The following AMN1 variants were observed in gnomAD, a reference collection of about 807,000 sequenced individuals.
AMN1 encodes the protein antagonist of mitotic exit network 1 homolog.
In AMN1, 20 loss-of-function variants were observed where a neutral mutation model predicts 33.0. The observed-to-expected ratio is 0.61, with a 90% confidence interval of 0.43 to 0.88. The LOEUF (loss-of-function observed/expected upper bound fraction) is 0.88, where lower values mean the gene tolerates loss of function less well. Ranked by LOEUF, AMN1 falls within the 40% of genes least tolerant of loss-of-function variation. The probability of loss-of-function intolerance (pLI) is 0.00; values close to 1 mark genes in which losing one functional copy is unlikely to be tolerated. For missense variants in AMN1, 246 were observed against 307.4 expected, an observed-to-expected ratio of 0.80 and a Z score of 1.49; for synonymous variants, 114 against 111.9, an observed-to-expected ratio of 1.02 and a Z score of -0.12.
At chr12:31,701,735 C>G in intron 3 of AMN1, 128 bp downstream of exon 3, 1 of 805,804 alleles carries the variant, frequency 1.2e-6, no homozygotes, top group Admixed American at 3.9e-5. Context: ...AATGTTTTTA[C>G]TGATAAATAT....
intron 3 of AMN1, 146 bp downstream of exon 3, chr12:31,701,717 T>C: frequency 2.8e-6 from 2 of 712,998 alleles, no homozygotes; most frequent in Non-Finnish European, 4.2e-6. Context: ...GATTATTTTC[T>C]TAGTCTGAAT....
Position 31,671,990 on chromosome 12 carries a change from G to A in AMN1, c.*314C>T, listed in dbSNP as rs961729116. On this transcript the variant is annotated 3_prime_UTR_variant, in exon 7 of 7. Transcript: ENST00000281471. ...TACATAGGAGAAGGAAATCTCAAGG[G>A]AAAACAGTTAATTTTAAAGTTATTT... 9.5e-5 allele frequency: 20 copies of A among 211,412 alleles called. No individual in the cohort carries two copies. The highest frequency in any genetic ancestry group is 1.8e-4 in the Non-Finnish European group (19 of 106,180). The allele number at this position is 211,412 out of a possible 1,614,324, so 13.1% of individuals were successfully genotyped here.
chr12:31,712,782 A>T (rs903258796), intron 1 of AMN1, among the ~76,000 whole-genome samples: 2 of 151,948 alleles, frequency 1.3e-5, no homozygotes, highest in African/African-American at 4.8e-5. Flanking sequence ...CAGCCTCCCA[A>T]GTAGCTGGGA....
chr12:31,689,219 T>G, intron 5 of AMN1, 101 bp from the exon 6 acceptor site: 1 of 787,072 alleles, frequency 1.3e-6, no homozygotes, highest in South Asian at 1.8e-5. Context: ...GAACCAGATA[T>G]CTACTTGCAA....
chr12:31,707,218 G>A (rs771014737), intron 2 of AMN1, among the ~76,000 whole-genome samples: 2 of 152,042 alleles, frequency 1.3e-5, no homozygotes, highest in African/African-American at 2.4e-5. Flanking sequence ...AGACCAAAAT[G>A]TACTATACAT....
intron 5 of AMN1, among the ~76,000 whole-genome samples, chr12:31,690,680 G>A (rs576340428): frequency 6.6e-6 from 1 of 152,212 alleles, no homozygotes; most frequent in Admixed American, 6.5e-5. Context: ...TGTATAGATT[G>A]TGAAGATTTT....
rs185871758 is a variant in AMN1, at chr12:31,722,073, G to A, written c.38+6898C>T. Among the ~76,000 whole-genome samples the A allele has an allele frequency of 2.6e-3, 388 of 151,548 alleles. 4 individuals are homozygous for A. The highest frequency in any genetic ancestry group is 4.4e-3 in the Admixed American group (67 of 15,226). On this transcript the variant is annotated intron_variant, in intron 1 of 6. Coordinates refer to ENST00000281471, the MANE Select transcript of AMN1 (RefSeq NM_001113402.2). ...CTGTTTTGTCTCAGTGAAATAGACC[G>A]TATTTTATGGTGTGTGGTCCCTCTT...
At chr12:31,694,829 G>T (rs972484673) in intron 5 of AMN1, among the ~76,000 whole-genome samples, 9 of 152,088 alleles carry the variant, frequency 5.9e-5, no homozygotes, top group Middle Eastern at 3.2e-3. Flanking sequence ...CTCAGGCCAA[G>T]CATGTGGCTC....
intron 3 of AMN1, among the ~76,000 whole-genome samples, chr12:31,700,505 C>T (rs1248725142): frequency 6.6e-6 from 1 of 152,066 alleles, no homozygotes; most frequent in Non-Finnish European, 1.5e-5. Flanking sequence ...AAAAGCTATG[C>T]ATTACACAAA....
At chr12:31,707,071 A>C (rs1378214005) in intron 2 of AMN1, among the ~76,000 whole-genome samples, 1 of 152,230 alleles carries the variant, frequency 6.6e-6, no homozygotes, top group Non-Finnish European at 1.5e-5. Flanking sequence ...CAGTTGAAAA[A>C]AGAACAGTAT....
At chr12:31,685,547 T>A (rs1388457324) in intron 6 of AMN1, among the ~76,000 whole-genome samples, 1 of 152,128 alleles carries the variant, frequency 6.6e-6, no homozygotes, top group Non-Finnish European at 1.5e-5. Context: ...ACGCTTGTAA[T>A]CCCAGAACTT....
In AMN1 at chr12:31,697,773, T is replaced by C. The variant is rs765069626; in HGVS notation, c.501A>G (p.Pro167=). 1 of 1,613,942 alleles carries C rather than the reference T, an allele frequency of 6.2e-7. No homozygotes were observed. Among genetic ancestry groups the C allele is most frequent in the Non-Finnish European group, 8.5e-7 (1 of 1,179,864 alleles). Residue 167 remains proline (P), a synonymous_variant, in exon 4 of 7, where the codon CCA becomes CCG. Transcript: ENST00000281471. ...VSLHALGKNC[P]FLQCVDFSAT... is the part of the protein sequence containing the mutation. Reference sequence around the variant, plus strand: ...CTGAAAAGTCGACACACTGCAAAAATGGGCAGTTTTTTCCTAATGCATGTA... The same window carrying C: ...CTGAAAAGTCGACACACTGCAAAAACGGGCAGTTTTTTCCTAATGCATGTA...
At chr12:31,676,544 G>A (rs560331348) in intron 6 of AMN1, among the ~76,000 whole-genome samples, 10 of 150,018 alleles carry the variant, frequency 6.7e-5, no homozygotes, top group South Asian at 4.3e-4. Flanking sequence ...GGATGGTCTC[G>A]ATCTCCTGAC....
At chr12:31,702,567 AT>A (rs1009546100) in intron 2 of AMN1, among the ~76,000 whole-genome samples, 2 of 151,100 alleles carry the variant, frequency 1.3e-5, no homozygotes, top group Non-Finnish European at 3.0e-5. Flanking sequence ...TCTGTTCTTT[AT>A]TTTTTTTCCA....
intron 2 of AMN1, among the ~76,000 whole-genome samples, chr12:31,702,564 TTTA>T (rs899210427): frequency 1.6e-4 from 24 of 151,654 alleles, no homozygotes; most frequent in African/African-American, 5.5e-4. Context: ...TTTTCTGTTC[TTTA>T]TTTTTTTTCC....
intron 1 of AMN1, among the ~76,000 whole-genome samples, chr12:31,727,971 G>A (rs549890950): frequency 6.6e-6 from 1 of 152,052 alleles, no homozygotes; most frequent in South Asian, 2.1e-4. Context: ...CTGATCTCAA[G>A]TGCCTCGGCC....
intron 2 of AMN1, among the ~76,000 whole-genome samples, chr12:31,706,377 T>C (rs1565776522): frequency 6.6e-6 from 1 of 151,744 alleles, no homozygotes; most frequent in East Asian, 1.9e-4. Flanking sequence ...TAAATTCTTT[T>C]ACCACCATCC....
chr12:31,691,173 G>T (rs1323634309), intron 5 of AMN1, among the ~76,000 whole-genome samples: 1 of 150,962 alleles, frequency 6.6e-6, no homozygotes, highest in Non-Finnish European at 1.5e-5. Context: ...ATTAACATAT[G>T]CAATAACATG....
intron 1 of AMN1, among the ~76,000 whole-genome samples, chr12:31,723,227 C>T (rs1377830621): frequency 1.3e-5 from 2 of 152,062 alleles, no homozygotes; most frequent in Admixed American, 6.6e-5. Flanking sequence ...AACACACACG[C>T]ACACACACAC....
Sources: allele counts gnomAD v4.1 joint callset (sites outside exome capture counted in the v4.1 genomes callset), GRCh38; gene constraint gnomAD v4.1.1; transcripts MANE v1.5; gene names NCBI Gene and HGNC (gene_info 2026-07-23, HGNC 2026-07-21).